ATXN10: variants seen among roughly 807,000 people sequenced by gnomAD.
The protein encoded by ATXN10 is ataxin 10, also known as ataxin-10.
In ATXN10, 28 loss-of-function variants were observed where a neutral mutation model predicts 52.9. The ratio of observed to expected loss-of-function variants is 0.53; its 90% CI spans 0.39 to 0.73. The LOEUF is 0.73. Among genes scored for constraint, ATXN10 ranks in the 30% least tolerant of loss-of-function variants. ATXN10 has a pLI of 0.00. For missense variants in ATXN10, 565 were observed against 577.0 expected (o/e 0.98, Z 0.21); for synonymous variants, 226 against 221.5 (o/e 1.02, Z -0.18).
chr22:45,698,868 A>T (rs1174247285), intron 3 of ATXN10, among the ~76,000 whole-genome samples: 2 of 152,216 alleles, frequency 1.3e-5, no homozygotes, highest in African/African-American at 4.8e-5. Context: ...ATAATCTTTT[A>T]AAAAGTATTC....
intron 9 of ATXN10, among the ~76,000 whole-genome samples, chr22:45,749,827 A>G (rs1442162897): frequency 1.3e-5 from 2 of 152,064 alleles, no homozygotes; most frequent in African/African-American, 4.8e-5. Flanking sequence ...TGACCTCCCA[A>G]AGTGCTCGGA....
intron 7 of ATXN10, among the ~76,000 whole-genome samples, chr22:45,736,684 C>T (rs1601614409): frequency 6.6e-6 from 1 of 151,868 alleles, no homozygotes; most frequent in South Asian, 2.1e-4. Context: ...TCTTCTTTAC[C>T]TTGCATTTCC....
chr22:45,720,589 C>T (rs1280181830), intron 6 of ATXN10, among the ~76,000 whole-genome samples: 7 of 152,142 alleles, frequency 4.6e-5, no homozygotes, highest in Non-Finnish European at 1.0e-4. Context: ...ACTTTTTCAT[C>T]TTGTGTATCA....
At position 45,702,728 on chromosome 22, in the gene ATXN10, C is replaced by G; in HGVS notation, c.528C>G (p.Tyr176Ter). 6.2e-7 allele frequency: 1 copy of G among 1,613,962 alleles called. No homozygotes were observed. The highest frequency in any genetic ancestry group is 8.5e-7 in the Non-Finnish European group (1 of 1,179,918). The change falls in exon 5 of 12, where the codon TAC (tyrosine) becomes TAG (stop). Residue 176 changes from tyrosine to a stop codon, truncating the protein, a stop_gained. Transcript: ENST00000252934. LOFTEE classifies it high-confidence loss of function. ...ATCCGGACAAAAAAATTGTTGCCTA[C>G]TCTTCAATGATTTTGTTTACATCCC... is the stretch of plus-strand genomic sequence containing the variant. ...LNHPDKKIVA[Y>*]SSMILFTSLN...
intron 9 of ATXN10, among the ~76,000 whole-genome samples, chr22:45,745,181 G>A (rs981691940): frequency 7.2e-5 from 11 of 152,140 alleles, no homozygotes; most frequent in Non-Finnish European, 1.3e-4. Flanking sequence ...TTCTTTGTTA[G>A]AATAAGGAAT....
intron 1 of ATXN10, chr22:45,679,614 C>CA (rs1260474864): frequency 6.6e-6 from 1 of 152,188 alleles, no homozygotes; most frequent in Non-Finnish European, 1.5e-5. Flanking sequence ...ACCCAAAAAA[C>CA]AAAAACCCAC....
intron 9 of ATXN10, among the ~76,000 whole-genome samples, chr22:45,771,381 T>G (rs953210248): frequency 1.3e-5 from 2 of 152,068 alleles, no homozygotes; most frequent in African/African-American, 4.8e-5. Flanking sequence ...TGTTGGACGT[T>G]TTTTCATATG....
chr22:45,689,943 T>C (rs1163690137), intron 2 of ATXN10, 40 bp downstream of exon 2: 1 of 1,593,772 alleles, frequency 6.3e-7, no homozygotes, highest in Admixed American at 1.7e-5. Context: ...TCTTTGTATA[T>C]GTGCATGCTG....
rs182563219 is a variant in ATXN10 at position 45,684,253 on chromosome 22, G to T, written c.117-5459G>T. Among the ~76,000 whole-genome samples, 1 of 151,756 alleles carries T rather than the reference G, an allele frequency of 6.6e-6. No individual in the cohort carries two copies. Among genetic ancestry groups the T allele is most frequent in the African/African-American group, 2.4e-5 (1 of 41,284 alleles). On this transcript the variant is annotated intron_variant, in intron 1 of 11. Coordinates refer to ENST00000252934, the MANE Select transcript of ATXN10 (RefSeq NM_013236.4). This position sits in a 1 kb window ranked among gnomAD's most constrained non-coding sequence, Gnocchi z 4.1. ...GGCATATGAACCACTGCGCCTGGCC[G>T]CCTTAGTTCCTTTCATTTAGCACAG...
chr22:45,838,915 G>A (rs1000897858), intron 10 of ATXN10, among the ~76,000 whole-genome samples: 1 of 152,224 alleles, frequency 6.6e-6, no homozygotes, highest in Non-Finnish European at 1.5e-5. Flanking sequence ...ATTAGAGGAG[G>A]TTTGTGTAGT....
intron 6 of ATXN10, among the ~76,000 whole-genome samples, chr22:45,719,238 T>C (rs1290569420): frequency 2.0e-5 from 3 of 152,176 alleles, no homozygotes; most frequent in African/African-American, 7.2e-5. Flanking sequence ...ACAGATCTAG[T>C]GATGAAAATC....
At chr22:45,773,088 TGTG>T (rs770143850) in intron 9 of ATXN10, among the ~76,000 whole-genome samples, 3 of 152,284 alleles carry the variant, frequency 2.0e-5, no homozygotes, top group Non-Finnish European at 4.4e-5. Context: ...GTGTATAACA[TGTG>T]GTGGGGGAGC....
Position 45,843,594 on chromosome 22 carries a change from T to C in ATXN10, c.1426-75T>C. On this transcript the variant is annotated intron_variant, in intron 11 of 11. Transcript: ENST00000252934. This position sits in a 1 kb window ranked among gnomAD's most constrained non-coding sequence, Gnocchi z 4.5. ...TCACCACTGACCAAAGTTCTGGGTT[T>C]TTTCCCCTTTTGTCTGATGAATCTT... The C allele has an allele frequency of 6.8e-7, 1 of 1,480,180 alleles. No homozygotes were observed. The allele number at this position is 1,480,180 out of a possible 1,614,324, so 91.7% of individuals were successfully genotyped here.
chr22:45,694,279 A>G (rs769536119), intron 3 of ATXN10, among the ~76,000 whole-genome samples: 1 of 152,176 alleles, frequency 6.6e-6, no homozygotes, highest in African/African-American at 2.4e-5. Flanking sequence ...TAAAAAAAAA[A>G]CGTAGATTTT....
chr22:45,794,762 T>G (rs1186372525), intron 9 of ATXN10, among the ~76,000 whole-genome samples: 1 of 152,060 alleles, frequency 6.6e-6, no homozygotes, highest in African/African-American at 2.4e-5. Context: ...AAAAAGAAGG[T>G]AAAATGTCCT....
chr22:45,784,559 C>A lies in ATXN10; in HGVS notation c.1174-22400C>A, dbSNP rs1927258971. Among the ~76,000 whole-genome samples the A allele has an allele frequency of 1.3e-5, 2 of 152,138 alleles. No homozygotes were observed. Among genetic ancestry groups the A allele is most frequent in the African/African-American group, 4.8e-5 (2 of 41,418 alleles). ...ACATGTCTTGCCTTGGAGGTCTGTG[C>A]TAGGCTGTCAGGAGGTGTGGATGGC... On this transcript the variant is annotated intron_variant, in intron 9 of 11. Transcript: ENST00000252934. The surrounding 1 kb of genome is among the most constrained non-coding windows in gnomAD (Gnocchi z 4.2).
intron 9 of ATXN10, among the ~76,000 whole-genome samples, chr22:45,761,733 T>C (rs1483127956): frequency 1.3e-5 from 2 of 152,234 alleles, no homozygotes; most frequent in African/African-American, 4.8e-5. Flanking sequence ...AAAATCTGTT[T>C]TAAGTTCCAC....
rs912573194 is a variant in ATXN10 at position 45,825,100 on chromosome 22, G to A, written c.1238-17891G>A. On this transcript the variant is annotated intron_variant, in intron 10 of 11. Coordinates refer to ENST00000252934, the MANE Select transcript of ATXN10 (RefSeq NM_013236.4). The surrounding 1 kb of genome is among the most constrained non-coding windows in gnomAD (Gnocchi z 4.5). The stretch of plus-strand genomic sequence containing the variant: ...ACACTGTTCCTAGAGCATCTTGCAA[G>A]CAGCTTGTGGGAGCCAGGTAGGGTG... Among the ~76,000 whole-genome samples the A allele has an allele frequency of 6.6e-6, 1 of 152,218 alleles. No individual in the cohort carries two copies. Among genetic ancestry groups the A allele is most frequent in the African/African-American group, 2.4e-5 (1 of 41,438 alleles).
chr22:45,843,780 G>T lies in ATXN10; in HGVS notation c.*109G>T. On this transcript the variant is annotated 3_prime_UTR_variant, in exon 12 of 12. Transcript: ENST00000252934. The surrounding 1 kb of genome is among the most constrained non-coding windows in gnomAD (Gnocchi z 4.5). ...TGAAGATTTATAAGTACAAATTTGG[G>T]AACATACAAATCTTTTAGGTAGTAG... 9.0e-7 allele frequency: 1 copy of T among 1,110,456 alleles called. No individual in the cohort carries two copies. The highest frequency in any genetic ancestry group is 1.3e-5 in the South Asian group (1 of 75,040). 68.8% of individuals were successfully genotyped at this position (1,110,456 alleles called of 1,614,324 possible). A position where few individuals can be genotyped will look rare whatever the true frequency, so the allele number is the denominator to read the frequency against.
Sources: gnomAD v4.1 joint callset for allele counts (sites outside exome capture counted in the v4.1 genomes callset) on GRCh38, gnomAD v4.1.1 for gene constraint, Gnocchi (gnomAD v3.1) non-coding constraint, MANE v1.5 for transcripts, NCBI Gene and HGNC (gene_info 2026-07-23, HGNC 2026-07-21) for gene names.